The following GRIA4 variants were observed in gnomAD, a reference collection of about 807,000 sequenced individuals.
GRIA4 encodes the protein glutamate receptor 4.
GRIA4 carries 34 observed loss-of-function variants against 104.0 expected under a neutral mutation model. That is an observed-to-expected ratio of 0.33 (90% confidence interval 0.25 to 0.44). The LOEUF (loss-of-function observed/expected upper bound fraction) is 0.44, where lower values mean the gene tolerates loss of function less well. GRIA4 is among the 20% of genes least tolerant of loss of function. GRIA4 has a pLI of 1.00. For missense variants in GRIA4, 750 were observed against 1,096.5 expected, an observed-to-expected ratio of 0.68 and a Z score of 4.46; for synonymous variants, 386 against 381.9, an observed-to-expected ratio of 1.01 and a Z score of -0.13.
intron 3 of GRIA4, among the ~76,000 whole-genome samples, chr11:105,702,050 G>A (rs1953515212): frequency 6.6e-6 from 1 of 151,896 alleles, no homozygotes; most frequent in African/African-American, 2.4e-5. Flanking sequence ...TCCTCCTGCC[G>A]CAGCCTCCCA....
intron 3 of GRIA4, among the ~76,000 whole-genome samples, chr11:105,709,533 A>G (rs1953834600): frequency 1.3e-5 from 2 of 152,292 alleles, no homozygotes; most frequent in Admixed American, 1.3e-4. Context: ...ATAGTAACTT[A>G]ACAGTGGAGA....
intron 4 of GRIA4, among the ~76,000 whole-genome samples, chr11:105,806,353 A>G (rs1942953341): frequency 6.6e-6 from 1 of 151,916 alleles, no homozygotes; most frequent in African/African-American, 2.4e-5. Flanking sequence ...GATAGAACAA[A>G]GGAGAACAAA....
rs75816980 is a variant in GRIA4 at position 105,962,070 on chromosome 11, A to G, written c.2295-9844A>G. 3.8e-3 allele frequency among the ~76,000 whole-genome samples: 579 copies of G among 152,310 alleles called. 1 individual carries two copies. Among genetic ancestry groups the G allele is most frequent in the Middle Eastern group, 6.8e-3 (2 of 294 alleles). ...AAATCCAGGAAATCAGAAAAATAAAACTAAACTTTACTAAAACTTTTTAAA... is the reference window on the plus strand; with the variant it reads ...AAATCCAGGAAATCAGAAAAATAAAGCTAAACTTTACTAAAACTTTTTAAA... On this transcript the variant is annotated intron_variant, in intron 14 of 16. Coordinates refer to ENST00000282499, the MANE Select transcript of GRIA4 (RefSeq NM_000829.4).
chr11:105,761,485 T>C (rs1309597954), intron 4 of GRIA4, among the ~76,000 whole-genome samples: 6 of 152,046 alleles, frequency 3.9e-5, no homozygotes, highest in Non-Finnish European at 7.3e-5. Flanking sequence ...TATTCTTGAG[T>C]TTAAACACTT....
In GRIA4 at chr11:105,979,838, T is replaced by A. The variant is rs1381213550; in HGVS notation, c.*99T>A. On this transcript the variant is annotated 3_prime_UTR_variant, in exon 17 of 17. Coordinates refer to ENST00000282499, the MANE Select transcript of GRIA4 (RefSeq NM_000829.4). The stretch of plus-strand genomic sequence containing the variant: ...CACGCGCGGGTCTTTGCTAAACCAA[T>A]CCTTTGGCTGAGAGCGGGAAGTCCG... 2 of 843,810 alleles carry A rather than the reference T, an allele frequency of 2.4e-6. No homozygotes were observed. Among genetic ancestry groups the A allele is most frequent in the Non-Finnish European group, 3.7e-6 (2 of 540,222 alleles). The allele number at this position is 843,810 out of a possible 1,614,324, so 52.3% of individuals were successfully genotyped here. A position where few individuals can be genotyped will look rare whatever the true frequency, so the allele number is the denominator to read the frequency against.
chr11:105,774,303 A>G (rs1312629677), intron 4 of GRIA4, among the ~76,000 whole-genome samples: 4 of 151,840 alleles, frequency 2.6e-5, no homozygotes, highest in African/African-American at 9.6e-5. Flanking sequence ...TAAATAATGA[A>G]TCACAGCCAT....
intron 14 of GRIA4, among the ~76,000 whole-genome samples, chr11:105,954,249 CAAT>C (rs1948528774): frequency 1.3e-5 from 2 of 152,272 alleles, no homozygotes; most frequent in Non-Finnish European, 2.9e-5. Context: ...TAATGAGGAA[CAAT>C]AAATGTTTTT....
chr11:105,953,164 T>C (rs995615083), intron 14 of GRIA4, among the ~76,000 whole-genome samples: 1 of 152,258 alleles, frequency 6.6e-6, no homozygotes, highest in Non-Finnish European at 1.5e-5. Context: ...AAATAGTTGA[T>C]AAAGGGTAGA....
rs140969352 is a variant in GRIA4, at chr11:105,804,859, A to G, written c.487+51639A>G. ...AAAGATCATTGCAGTGGGATTTTCA[A>G]TTAAATGACTGGAACACAGCAGTTT... is the stretch of plus-strand genomic sequence containing the variant. On this transcript the variant is annotated intron_variant, in intron 4 of 16. Coordinates refer to ENST00000282499, the MANE Select transcript of GRIA4 (RefSeq NM_000829.4). Among the ~76,000 whole-genome samples, 50 of 152,080 alleles carry G rather than the reference A, an allele frequency of 3.3e-4. 2 individuals carry two copies. The highest frequency in any genetic ancestry group is 1.2e-3 in the African/African-American group (48 of 41,552).
intron 3 of GRIA4, among the ~76,000 whole-genome samples, chr11:105,648,431 T>C (rs1486440290): frequency 6.6e-6 from 1 of 151,288 alleles, no homozygotes; most frequent in Admixed American, 6.6e-5. Context: ...TTAAATATTA[T>C]TTAAAATAAT....
chr11:105,967,813 G>T (rs1176393104), intron 14 of GRIA4, among the ~76,000 whole-genome samples: 1 of 151,960 alleles, frequency 6.6e-6, no homozygotes. Context: ...TGTCATACAA[G>T]ATGATATTTT....
chr11:105,757,894 T>C (rs1940401424), intron 4 of GRIA4, among the ~76,000 whole-genome samples: 1 of 152,162 alleles, frequency 6.6e-6, no homozygotes, highest in Non-Finnish European at 1.5e-5. Context: ...TCAAAAGTTC[T>C]GATTTTTTCC....
chr11:105,945,508 G>A, intron 14 of GRIA4: 2 of 944,904 alleles, frequency 2.1e-6, no homozygotes, highest in Non-Finnish European at 2.5e-6. Context: ...CAAGGTAAGA[G>A]GGGAGTTTTC....
At chr11:105,892,293 T>C (rs914678014) in intron 6 of GRIA4, among the ~76,000 whole-genome samples, 1 of 152,160 alleles carries the variant, frequency 6.6e-6, no homozygotes, top group African/African-American at 2.4e-5. Context: ...ATTTGTCCCA[T>C]TACCAAGACA....
At chr11:105,668,656 A>C (rs1482844563) in intron 3 of GRIA4, among the ~76,000 whole-genome samples, 2 of 145,528 alleles carry the variant, frequency 1.4e-5, no homozygotes, top group Non-Finnish European at 3.0e-5. Flanking sequence ...TACATCCTTG[A>C]CAACACTTAT....
intron 14 of GRIA4, among the ~76,000 whole-genome samples, chr11:105,940,826 T>TA (rs3839941): frequency 2.0e-4 from 30 of 151,156 alleles, no homozygotes; most frequent in Non-Finnish European, 2.7e-4. Flanking sequence ...ACATTTAATT[T>TA]AAAAAAAAGA....
At chr11:105,708,686 T>C (rs746946286) in intron 3 of GRIA4, among the ~76,000 whole-genome samples, 10 of 151,998 alleles carry the variant, frequency 6.6e-5, no homozygotes, top group Non-Finnish European at 1.5e-4. Flanking sequence ...ATACCAACAT[T>C]GAGCAAATAA....
intron 4 of GRIA4, among the ~76,000 whole-genome samples, chr11:105,783,506 A>G (rs996468768): frequency 2.0e-5 from 3 of 152,226 alleles, no homozygotes; most frequent in African/African-American, 7.2e-5. Context: ...GTGCAGAAGT[A>G]TAAAGACTCA....
intron 7 of GRIA4, among the ~76,000 whole-genome samples, chr11:105,900,664 C>T (rs1946822418): frequency 6.6e-6 from 1 of 152,182 alleles, no homozygotes; most frequent in Non-Finnish European, 1.5e-5. Flanking sequence ...TCGCCCCTCA[C>T]TGCAACTTCC....
Sources: allele counts gnomAD v4.1 joint callset (sites outside exome capture counted in the v4.1 genomes callset), GRCh38; gene constraint gnomAD v4.1.1; transcripts MANE v1.5; gene names NCBI Gene and HGNC (gene_info 2026-07-23, HGNC 2026-07-21).